CPA6: variants seen among roughly 807,000 people sequenced by gnomAD.
The protein encoded by CPA6 is carboxypeptidase A6.
In CPA6, 58 loss-of-function variants were observed where a neutral mutation model predicts 63.3. The ratio of observed to expected loss-of-function variants is 0.92; its 90% CI spans 0.74 to 1.14. CPA6 has a LOEUF of 1.14. CPA6 is among the 50% of genes most tolerant of loss of function. The probability of loss-of-function intolerance (pLI) is 0.00; values close to 1 mark genes in which losing one functional copy is unlikely to be tolerated. For missense variants in CPA6, 565 were observed against 526.6 expected, an observed-to-expected ratio of 1.07 and a Z score of -0.71; for synonymous variants, 185 against 179.0, an observed-to-expected ratio of 1.03 and a Z score of -0.27.
intron 1 of CPA6, among the ~76,000 whole-genome samples, chr8:67,716,744 T>C (rs560998519): frequency 6.6e-6 from 1 of 152,368 alleles, no homozygotes; most frequent in Non-Finnish European, 1.5e-5. Context: ...GTTTGCCTGA[T>C]GCCATTCCCA....
chr8:67,479,294 T>C (rs1381343834), intron 8 of CPA6, among the ~76,000 whole-genome samples: 1 of 152,202 alleles, frequency 6.6e-6, no homozygotes, highest in African/African-American at 2.4e-5. Context: ...TATTGTCTGC[T>C]GTATATTCTT....
intron 1 of CPA6, among the ~76,000 whole-genome samples, chr8:67,704,012 C>T (rs183713221): frequency 5.9e-5 from 9 of 152,230 alleles, no homozygotes; most frequent in African/African-American, 2.2e-4. Context: ...TTGCCATTTG[C>T]TAGCCCTTAT....
intron 1 of CPA6, among the ~76,000 whole-genome samples, chr8:67,629,975 GACATCT>G (rs924685133): frequency 1.3e-5 from 2 of 151,674 alleles, no homozygotes; most frequent in African/African-American, 4.8e-5. Flanking sequence ...CGTAGTGGCA[GACATCT>G]ATAGCACCAG....
chr8:67,480,165 C>T (rs1273308593), intron 8 of CPA6, among the ~76,000 whole-genome samples: 1 of 152,066 alleles, frequency 6.6e-6, no homozygotes, highest in East Asian at 1.9e-4. Flanking sequence ...TAAATAGAAA[C>T]AAAAATATTT....
intron 1 of CPA6, among the ~76,000 whole-genome samples, chr8:67,625,888 C>T (rs1038005979): frequency 6.6e-6 from 1 of 151,946 alleles, no homozygotes; most frequent in African/African-American, 2.4e-5. Flanking sequence ...GGATTGTGTC[C>T]CCACCCAAAT....
intron 2 of CPA6, among the ~76,000 whole-genome samples, chr8:67,525,331 A>G (rs1344919844): frequency 1.3e-5 from 2 of 152,264 alleles, no homozygotes; most frequent in African/African-American, 4.8e-5. Context: ...AAATGAAAAT[A>G]TATCAACTAA....
chr8:67,518,570 G>A (rs1295790862), intron 2 of CPA6, among the ~76,000 whole-genome samples: 1 of 146,394 alleles, frequency 6.8e-6, no homozygotes, highest in African/African-American at 2.5e-5. Flanking sequence ...GCAGTGGCGT[G>A]ATCTCAGTTC....
intron 1 of CPA6, among the ~76,000 whole-genome samples, chr8:67,738,095 C>CAA (rs372516828): frequency 0.016 from 2,465 of 150,392 alleles, 67 homozygotes; most frequent in African/African-American, 0.057. Context: ...ATTGTTATTT[C>CAA]AAAAAAAAAC....
At chr8:67,699,040 C>T (rs1816966026) in intron 1 of CPA6, among the ~76,000 whole-genome samples, 1 of 152,198 alleles carries the variant, frequency 6.6e-6, no homozygotes, top group Admixed American at 6.5e-5. Context: ...GGCATGGTCT[C>T]TAATGCCACA....
In CPA6 at chr8:67,644,157, C is replaced by T. The variant is rs1332115862; in HGVS notation, c.117-19906G>A. The stretch of plus-strand genomic sequence containing the variant: ...TTTTTGAGACAGAGTCTCGCTCTGT[C>T]GCCCAGGCTGGAGTGCAGTGGCGCC... On this transcript the variant is annotated intron_variant, in intron 1 of 10. Coordinates refer to ENST00000297770, the MANE Select transcript of CPA6 (RefSeq NM_020361.5). 5.3e-5 allele frequency among the ~76,000 whole-genome samples: 8 copies of T among 150,088 alleles called. No individual in the cohort carries two copies. The South Asian group carries it at 1.3e-3, about 24-fold the overall frequency.
chr8:67,707,933 A>T (rs988403022), intron 1 of CPA6, among the ~76,000 whole-genome samples: 29 of 151,542 alleles, frequency 1.9e-4, no homozygotes, highest in Non-Finnish European at 3.4e-4. Context: ...AAAAAAATCA[A>T]ATTTGACTTA....
intron 1 of CPA6, among the ~76,000 whole-genome samples, chr8:67,739,575 T>C (rs1004739844): frequency 5.9e-5 from 9 of 152,332 alleles, no homozygotes; most frequent in Middle Eastern, 3.4e-3. Flanking sequence ...GGCCCTTTCC[T>C]GCTTTAGGCT....
chr8:67,695,289 C>A (rs908836378), intron 1 of CPA6, among the ~76,000 whole-genome samples: 1 of 152,156 alleles, frequency 6.6e-6, no homozygotes, highest in Non-Finnish European at 1.5e-5. Context: ...CAGGCCTGGC[C>A]TGACTATAGC....
intron 1 of CPA6, among the ~76,000 whole-genome samples, chr8:67,689,845 C>T (rs1441556894): frequency 1.3e-5 from 2 of 152,298 alleles, no homozygotes; most frequent in Middle Eastern, 3.4e-3. Flanking sequence ...TTCAAGAAAT[C>T]TCCAAACTGC....
At chr8:67,429,964 T>C (rs1300549149) in intron 9 of CPA6, among the ~76,000 whole-genome samples, 1 of 152,056 alleles carries the variant, frequency 6.6e-6, no homozygotes, top group Non-Finnish European at 1.5e-5. Context: ...AAATAAAAAC[T>C]TCATCATTTT....
chr8:67,561,494 A>C (rs1813212056), intron 2 of CPA6, among the ~76,000 whole-genome samples: 1 of 152,210 alleles, frequency 6.6e-6, no homozygotes, highest in South Asian at 2.1e-4. Context: ...GAAACGTCAG[A>C]CAAAGCCAAA....
intron 1 of CPA6, among the ~76,000 whole-genome samples, chr8:67,703,869 G>T (rs1008664554): frequency 1.2e-4 from 19 of 152,012 alleles, no homozygotes; most frequent in Admixed American, 6.5e-5. Context: ...GAAGCAGTTT[G>T]TCTGCCTGCA....
At chr8:67,641,036 G>A (rs909556359) in intron 1 of CPA6, among the ~76,000 whole-genome samples, 2 of 151,644 alleles carry the variant, frequency 1.3e-5, no homozygotes, top group Non-Finnish European at 2.9e-5. Context: ...GGGACATGGG[G>A]TACAGGGGAC....
intron 8 of CPA6, among the ~76,000 whole-genome samples, chr8:67,466,891 T>C (rs1423117746): frequency 6.6e-6 from 1 of 152,216 alleles, no homozygotes; most frequent in Non-Finnish European, 1.5e-5. Flanking sequence ...CACACATATC[T>C]GTCACGTATA....
Sources: allele counts gnomAD v4.1 joint callset (sites outside exome capture counted in the v4.1 genomes callset), GRCh38; gene constraint gnomAD v4.1.1; transcripts MANE v1.5; gene names NCBI Gene and HGNC (gene_info 2026-07-23, HGNC 2026-07-21).